Variants in LEMD1 observed in about 807,000 individuals in gnomAD.
The protein encoded by LEMD1 is LEM domain-containing protein 1.
In LEMD1, 18 loss-of-function variants were observed where a neutral mutation model predicts 17.4. That is an observed-to-expected ratio of 1.04 (90% CI 0.72 to 1.54). LEMD1 has a LOEUF of 1.54. LEMD1 is among the 40% of genes most tolerant of loss of function. The pLI, the probability that LEMD1 is intolerant of heterozygous loss-of-function variation, is 0.00. For missense variants in LEMD1, 195 were observed against 210.4 expected, an observed-to-expected ratio of 0.93 and a Z score of 0.45; for synonymous variants, 88 against 77.8, an observed-to-expected ratio of 1.13 and a Z score of -0.69.
intron 1 of LEMD1, among the ~76,000 whole-genome samples, chr1:205,444,045 G>T (rs1017440488): frequency 1.3e-5 from 2 of 152,050 alleles, no homozygotes; most frequent in African/African-American, 4.8e-5. Context: ...CCCTTGCTGC[G>T]TCTATTTGAG....
chr1:205,410,635 A>C (rs1266520125), intron 4 of LEMD1, among the ~76,000 whole-genome samples: 2 of 152,152 alleles, frequency 1.3e-5, no homozygotes, highest in African/African-American at 4.8e-5. Context: ...AGAGGAGTCA[A>C]ATTATGGGTT....
chr1:205,440,316 A>T (rs1321084816), intron 1 of LEMD1, among the ~76,000 whole-genome samples: 1 of 152,190 alleles, frequency 6.6e-6, no homozygotes. Context: ...GGAGCCACGG[A>T]GCCACTGGCC....
In LEMD1 at chr1:205,448,489, G is replaced by T; in HGVS notation, c.-39+1379C>A. ...CCCCTTCTCAGCACCCCCGACCCCA[G>T]ACCCACCCACACTGCCTCCCTCCAG... On this transcript the variant is annotated intron_variant, in intron 1 of 3. Transcript: ENST00000367154. This position sits in a 1 kb window ranked among gnomAD's most constrained non-coding sequence, Gnocchi z 4.7. 3 of 476,670 alleles carry T rather than the reference G, an allele frequency of 6.3e-6. No homozygotes were observed. The highest frequency in any genetic ancestry group is 1.3e-5 in the Non-Finnish European group (3 of 236,312). The allele number at this position is 476,670 out of a possible 1,614,324, so 29.5% of individuals were successfully genotyped here.
intron 3 of LEMD1, among the ~76,000 whole-genome samples, chr1:205,417,772 T>C (rs566826392): frequency 1.3e-5 from 2 of 151,680 alleles, no homozygotes; most frequent in Admixed American, 6.6e-5. Context: ...ACTTGCATGG[T>C]TTATCCAGTT....
intron 1 of LEMD1, chr1:205,435,454 G>A (rs1020633187): frequency 6.6e-6 from 1 of 152,208 alleles, no homozygotes; most frequent in African/African-American, 2.4e-5. Context: ...CTACTTTTCA[G>A]CCTGGAGAAT....
intron 1 of LEMD1, among the ~76,000 whole-genome samples, chr1:205,421,513 T>C (rs1376116696): frequency 6.6e-6 from 1 of 152,198 alleles, no homozygotes; most frequent in Non-Finnish European, 1.5e-5. Flanking sequence ...AATGTCCAAT[T>C]AGGAAGAACA....
intron 4 of LEMD1, among the ~76,000 whole-genome samples, chr1:205,409,754 C>A (rs1665298003): frequency 6.6e-6 from 1 of 151,034 alleles, no homozygotes; most frequent in African/African-American, 2.5e-5. Flanking sequence ...AGCATGCGTG[C>A]CACTATGCCC....
At chr1:205,407,329 CAAAA>C (rs1202450022) in intron 4 of LEMD1, among the ~76,000 whole-genome samples, 2 of 55,262 alleles carry the variant, frequency 3.6e-5, no homozygotes, top group Admixed American at 2.0e-4. Flanking sequence ...GACCCCATCT[CAAAA>C]AAAAAAAAAA....
upstream of LEMD1, among the ~76,000 whole-genome samples, chr1:205,426,956 A>C (rs994282968): frequency 1.3e-5 from 2 of 152,148 alleles, no homozygotes; most frequent in African/African-American, 4.8e-5. Flanking sequence ...ACAGTAGTGG[A>C]GGAGATGCCG....
intron 4 of LEMD1, among the ~76,000 whole-genome samples, chr1:205,391,431 A>G (rs1030460049): frequency 6.6e-6 from 1 of 151,974 alleles, no homozygotes; most frequent in African/African-American, 2.4e-5. Context: ...ACACCAAGGG[A>G]TGCAGGTGAA....
At chr1:205,421,883 T>C (rs1158772128) in intron 1 of LEMD1, 107 bp downstream of exon 1, 1 of 152,154 alleles carries the variant, frequency 6.6e-6, no homozygotes, top group African/African-American at 2.4e-5. Context: ...TAACCTCCAA[T>C]AGAGCCCTCA....
At chr1:205,446,158 T>C (rs768143284) in intron 1 of LEMD1, among the ~76,000 whole-genome samples, 6 of 152,250 alleles carry the variant, frequency 3.9e-5, no homozygotes, top group Non-Finnish European at 8.8e-5. Context: ...AACTTGCTTA[T>C]TCAATGCAAT....
chr1:205,409,520 G>A (rs1211666076), intron 4 of LEMD1, among the ~76,000 whole-genome samples: 2 of 152,220 alleles, frequency 1.3e-5, no homozygotes, highest in Admixed American at 6.5e-5. Context: ...TATAGATGAG[G>A]AAACTAAGAC....
In LEMD1 at chr1:205,381,942, A is replaced by G. The variant is rs1663721497; in HGVS notation, c.348-86T>C. ...TTAAAGTGTGTGGGTCTTGAAGCCC[A>G]AGGGTGCAGTCATGGTGGGGCTTTA... On this transcript the variant is annotated intron_variant, in intron 5 of 5. Transcript: ENST00000367153. 4 of 1,296,678 alleles carry G rather than the reference A, an allele frequency of 3.1e-6. No homozygotes were observed. In the African/African-American group the frequency reaches 5.8e-5, roughly 19 times the overall value. The allele number at this position is 1,296,678 out of a possible 1,614,324, so 80.3% of individuals were successfully genotyped here.
intron 4 of LEMD1, among the ~76,000 whole-genome samples, chr1:205,408,828 C>G (rs772030490): frequency 3.3e-5 from 5 of 151,610 alleles, no homozygotes; most frequent in Admixed American, 3.3e-4. Context: ...AAGAAGGAGT[C>G]CCAAATACCG....
intron 4 of LEMD1, chr1:205,387,397 A>G (rs1168918753): frequency 6.6e-6 from 1 of 152,244 alleles, no homozygotes; most frequent in African/African-American, 2.4e-5. Flanking sequence ...GCATGTAAAC[A>G]AAAACTAGAG....
chr1:205,421,615 G>GCTTT (rs1665963327), intron 1 of LEMD1, among the ~76,000 whole-genome samples: 1 of 152,158 alleles, frequency 6.6e-6, no homozygotes. Context: ...TTAAAGCCAT[G>GCTTT]CTTTAAAGAG....
At chr1:205,427,484 T>TGAGA (rs3973968) in intron 1 of LEMD1, among the ~76,000 whole-genome samples, 1,638 of 147,300 alleles carry the variant, frequency 0.011, 15 homozygotes, top group African/African-American at 0.023. Context: ...AAAGAACATT[T>TGAGA]GAGAGAGAGA....
At chr1:205,439,186 G>C (rs572667525) in intron 1 of LEMD1, among the ~76,000 whole-genome samples, 1 of 152,316 alleles carries the variant, frequency 6.6e-6, no homozygotes, top group South Asian at 2.1e-4. Flanking sequence ...CTATCCAAGA[G>C]GACAAAGAAC....
Sources: gnomAD v4.1 joint callset for allele counts (sites outside exome capture counted in the v4.1 genomes callset) on GRCh38, gnomAD v4.1.1 for gene constraint, Gnocchi (gnomAD v3.1) non-coding constraint, MANE v1.5 for transcripts, NCBI Gene and HGNC (gene_info 2026-07-23, HGNC 2026-07-21) for gene names.